The following FAM168A variants were observed in gnomAD, a reference collection of about 807,000 sequenced individuals.
FAM168A encodes the protein family with sequence similarity 168 member A.
Under a neutral mutation model 28.5 loss-of-function variants are expected in FAM168A, and 3 were observed. The observed-to-expected ratio is 0.11, with a 90% CI of 0.05 to 0.27. The LOEUF is 0.27. Ranked by LOEUF, FAM168A falls within the 10% of genes least tolerant of loss-of-function variation. The pLI, the probability that FAM168A is intolerant of heterozygous loss-of-function variation, is 1.00. For missense variants in FAM168A, 222 were observed against 311.5 expected, an observed-to-expected ratio of 0.71 and a Z score of 2.16; for synonymous variants, 122 against 124.2, an observed-to-expected ratio of 0.98 and a Z score of 0.12.
intron 4 of FAM168A, among the ~76,000 whole-genome samples, chr11:73,414,963 T>C (rs776974738): frequency 3.3e-5 from 5 of 152,206 alleles, no homozygotes; most frequent in Non-Finnish European, 5.9e-5. Flanking sequence ...GCTCTGGAAT[T>C]TTTCTCTTCC....
intron 1 of FAM168A, among the ~76,000 whole-genome samples, chr11:73,591,338 T>G (rs536994828): frequency 1.3e-5 from 2 of 152,296 alleles, no homozygotes; most frequent in African/African-American, 4.8e-5. Flanking sequence ...TTTCTTCTTC[T>G]GTAAAATGAT....
chr11:73,463,594 C>G (rs1365697241), intron 2 of FAM168A, among the ~76,000 whole-genome samples: 1 of 152,116 alleles, frequency 6.6e-6, no homozygotes, highest in Admixed American at 6.5e-5. Context: ...CTATAGACAG[C>G]AGCTGAGGCT....
At chr11:73,442,997 T>TATATATGC (rs1555020518) in intron 2 of FAM168A, among the ~76,000 whole-genome samples, 1 of 130,404 alleles carries the variant, frequency 7.7e-6, no homozygotes, top group African/African-American at 2.8e-5. Context: ...TATATATATA[T>TATATATGC]GCCAAGCCTT....
intron 2 of FAM168A, among the ~76,000 whole-genome samples, chr11:73,432,443 T>TTAG (rs1310481263): frequency 8.1e-5 from 12 of 147,550 alleles, no homozygotes; most frequent in Non-Finnish European, 1.5e-5. Context: ...CCTTGTTTTA[T>TTAG]TATTATTATT....
chr11:73,437,349 G>A (rs1867107537), intron 2 of FAM168A, among the ~76,000 whole-genome samples: 1 of 150,512 alleles, frequency 6.6e-6, no homozygotes, highest in African/African-American at 2.4e-5. Flanking sequence ...ACCCACCTCG[G>A]CCTCCCAAAG....
intron 2 of FAM168A, among the ~76,000 whole-genome samples, chr11:73,461,811 T>A (rs1867651595): frequency 6.6e-6 from 1 of 151,984 alleles, no homozygotes; most frequent in African/African-American, 2.4e-5. Flanking sequence ...GGCAACTTAA[T>A]CCCAGAAAGA....
At chr11:73,564,807 G>C (rs1944003186) in intron 1 of FAM168A, among the ~76,000 whole-genome samples, 1 of 146,784 alleles carries the variant, frequency 6.8e-6, no homozygotes, top group African/African-American at 2.5e-5. Context: ...CATAATTGCA[G>C]AACAATGTGG....
At chr11:73,421,818 TA>T (rs1208495539) in intron 3 of FAM168A, among the ~76,000 whole-genome samples, 7 of 152,176 alleles carry the variant, frequency 4.6e-5, no homozygotes, top group African/African-American at 1.7e-4. Context: ...GGAATGCCAT[TA>T]GGGGGCAGGA....
intron 2 of FAM168A, among the ~76,000 whole-genome samples, chr11:73,432,261 C>T (rs1203643339): frequency 1.3e-5 from 2 of 152,206 alleles, no homozygotes; most frequent in Non-Finnish European, 2.9e-5. Context: ...TGTTTGAGTA[C>T]CTGTTTTCAA....
In FAM168A at chr11:73,402,847, A is replaced by C. The variant is rs1192855088; in HGVS notation, c.*3916T>G. 3 of 152,174 alleles carry C rather than the reference A, an allele frequency of 2.0e-5. No individual in the cohort carries two copies. The highest frequency in any genetic ancestry group is 4.4e-5 in the Non-Finnish European group (3 of 68,044). The allele number at this position is 152,174 out of a possible 1,614,324, so 9.4% of individuals were successfully genotyped here. A position where few individuals can be genotyped will look rare whatever the true frequency, so the allele number is the denominator to read the frequency against. On this transcript the variant is annotated 3_prime_UTR_variant, in exon 8 of 8. Transcript: ENST00000356467. ...TAGATGTGCCTCTGGGTCCCTCCCCAGGGCTCATTACAGGTCCTGGCCCAA... is the reference window on the plus strand; with the variant it reads ...TAGATGTGCCTCTGGGTCCCTCCCCCGGGCTCATTACAGGTCCTGGCCCAA...
chr11:73,503,090 C>T (rs555093545), intron 1 of FAM168A, among the ~76,000 whole-genome samples: 129 of 152,236 alleles, frequency 8.5e-4, no homozygotes, highest in African/African-American at 2.9e-3. Flanking sequence ...AAAACCAGTA[C>T]AGGACAAGGA....
intron 1 of FAM168A, among the ~76,000 whole-genome samples, chr11:73,478,326 C>T (rs1423576114): frequency 6.6e-6 from 1 of 152,014 alleles, no homozygotes; most frequent in African/African-American, 2.4e-5. Flanking sequence ...CATGAATTAA[C>T]CTTGAAAATA....
intron 1 of FAM168A, among the ~76,000 whole-genome samples, chr11:73,508,744 T>A (rs1242996986): frequency 6.6e-6 from 1 of 152,018 alleles, no homozygotes; most frequent in Non-Finnish European, 1.5e-5. Flanking sequence ...CTCTATAGGA[T>A]GACAGGGGGT....
chr11:73,470,533 C>T (rs1867799564), intron 1 of FAM168A, among the ~76,000 whole-genome samples: 1 of 152,146 alleles, frequency 6.6e-6, no homozygotes, highest in African/African-American at 2.4e-5. Context: ...TGAGTTAATG[C>T]CATTATTACA....
chr11:73,568,723 C>A (rs190538856), intron 1 of FAM168A, among the ~76,000 whole-genome samples: 10 of 151,924 alleles, frequency 6.6e-5, no homozygotes, highest in Non-Finnish European at 1.3e-4. Flanking sequence ...AGTGAAACCC[C>A]GTATCTACTA....
chr11:73,460,046 A>T (rs1330881279), intron 2 of FAM168A, among the ~76,000 whole-genome samples: 1 of 151,830 alleles, frequency 6.6e-6, no homozygotes, highest in Non-Finnish European at 1.5e-5. Flanking sequence ...ATGCCTGGCT[A>T]ATTTTTTGTA....
intron 4 of FAM168A, among the ~76,000 whole-genome samples, chr11:73,417,671 T>A (rs1364066262): frequency 6.6e-6 from 1 of 151,656 alleles, no homozygotes; most frequent in Non-Finnish European, 1.5e-5. Flanking sequence ...ACCATTCTCC[T>A]GCCTCAGCCT....
intron 1 of FAM168A, among the ~76,000 whole-genome samples, chr11:73,471,968 AT>A (rs1867820585): frequency 6.6e-6 from 1 of 152,142 alleles, no homozygotes; most frequent in Admixed American, 6.5e-5. Flanking sequence ...GCAAGCAAGC[AT>A]TACCACCTGA....
At chr11:73,582,919 G>A (rs1307823981) in intron 1 of FAM168A, among the ~76,000 whole-genome samples, 1 of 152,150 alleles carries the variant, frequency 6.6e-6, no homozygotes, top group Non-Finnish European at 1.5e-5. Flanking sequence ...AAGAGTAAAG[G>A]AAAGCTACAT....
Sources: gnomAD v4.1 joint callset for allele counts (sites outside exome capture counted in the v4.1 genomes callset) on GRCh38, gnomAD v4.1.1 for gene constraint, MANE v1.5 for transcripts, NCBI Gene and HGNC (gene_info 2026-07-23, HGNC 2026-07-21) for gene names.